CAMTA1: variants seen among roughly 807,000 people sequenced by gnomAD.
CAMTA1 encodes the protein calmodulin-binding transcription activator 1.
A neutral mutation model predicts 170.9 loss-of-function variants in CAMTA1; 27 were observed. The observed-to-expected ratio is 0.16, with a 90% CI of 0.12 to 0.22. The LOEUF is 0.22. CAMTA1 is among the 10% of genes least tolerant of loss of function. CAMTA1 has a pLI of 1.00. For missense variants in CAMTA1, 1,619 were observed against 2,217.2 expected (o/e 0.73, Z 5.42); for synonymous variants, 833 against 891.5 (o/e 0.93, Z 1.17).
At position 7,641,746 on chromosome 1, in the gene CAMTA1, TG is replaced by T. The variant is rs2095762766; in HGVS notation, c.664+1197del. ...GTCGTCCTTTGAGCCAAGTACCCCGTGGGGAGGTTTGGACCAGGCTTGCCTC... is the reference window on the plus strand; with the variant it reads ...GTCGTCCTTTGAGCCAAGTACCCCGTGGGAGGTTTGGACCAGGCTTGCCTC... On this transcript the variant is annotated intron_variant, in intron 7 of 22. Coordinates refer to ENST00000303635, the MANE Select transcript of CAMTA1 (RefSeq NM_015215.4). The surrounding 1 kb of genome is among the most constrained non-coding windows in gnomAD (Gnocchi z 4.5). 1.3e-5 allele frequency among the ~76,000 whole-genome samples: 2 copies of T among 152,072 alleles called. No homozygotes were observed. Among genetic ancestry groups the T allele is most frequent in the South Asian group, 2.1e-4 (1 of 4,828 alleles).
Position 7,736,672 on chromosome 1 carries a change from C to G in CAMTA1, c.3263+132C>G. On this transcript the variant is annotated intron_variant, in intron 13 of 22. Transcript: ENST00000303635. The surrounding 1 kb of genome is among the most constrained non-coding windows in gnomAD (Gnocchi z 4.5). ...ATAGCCGGCGAGCAAAGGGCTTTGT[C>G]CTTGGACAGTTTCCAAGGGAGTTTT... The G allele has an allele frequency of 1.1e-6, 1 of 878,382 alleles. No homozygotes were observed. Among genetic ancestry groups the G allele is most frequent in the Non-Finnish European group, 1.8e-6 (1 of 560,306 alleles). 54.4% of individuals were successfully genotyped at this position (878,382 alleles called of 1,614,324 possible). A position where few individuals can be genotyped will look rare whatever the true frequency, so the allele number is the denominator to read the frequency against.
intron 6 of CAMTA1, among the ~76,000 whole-genome samples, chr1:7,499,347 T>G (rs865988650): frequency 7.8e-4 from 75 of 95,986 alleles, no homozygotes; most frequent in Non-Finnish European, 9.3e-4. Flanking sequence ...TAGAGAGGAT[T>G]GTGTGAGCCT....
At chr1:6,946,798 C>T (rs1028330309) in intron 3 of CAMTA1, among the ~76,000 whole-genome samples, 2 of 150,682 alleles carry the variant, frequency 1.3e-5, no homozygotes, top group Non-Finnish European at 3.0e-5. Flanking sequence ...TCCTTTGAAG[C>T]ACAAAAGTTT....
At chr1:7,162,032 G>A (rs1647298299) in intron 4 of CAMTA1, among the ~76,000 whole-genome samples, 1 of 152,176 alleles carries the variant, frequency 6.6e-6, no homozygotes. Context: ...AACTAGCCCT[G>A]CAAAGATTAG....
intron 3 of CAMTA1, among the ~76,000 whole-genome samples, chr1:6,863,791 C>T (rs1665634352): frequency 6.6e-6 from 1 of 152,170 alleles, no homozygotes; most frequent in Non-Finnish European, 1.5e-5. Flanking sequence ...ACACTGAACT[C>T]TACACTTCAT....
chr1:7,439,067 C>T (rs1243524352), intron 5 of CAMTA1, among the ~76,000 whole-genome samples: 1 of 152,154 alleles, frequency 6.6e-6, no homozygotes, highest in African/African-American at 2.4e-5. Context: ...CTTCTGGCTG[C>T]AGGCAGGTGG....
chr1:7,085,108 C>T (rs1640564139), intron 3 of CAMTA1, among the ~76,000 whole-genome samples: 1 of 152,154 alleles, frequency 6.6e-6, no homozygotes, highest in Non-Finnish European at 1.5e-5. Context: ...AGGATTTAAG[C>T]CCTGCATGCA....
chr1:7,176,114 C>T (rs561658998), intron 4 of CAMTA1, among the ~76,000 whole-genome samples: 2 of 152,280 alleles, frequency 1.3e-5, no homozygotes, highest in South Asian at 2.1e-4. Context: ...TGGGGTATAG[C>T]GGGGATAGAT....
intron 3 of CAMTA1, among the ~76,000 whole-genome samples, chr1:6,844,219 T>C (rs375710738): frequency 2.6e-5 from 4 of 152,222 alleles, no homozygotes; most frequent in African/African-American, 9.6e-5. Flanking sequence ...TCAGGAGATG[T>C]AGTTACCTTT....
rs1655288283 is a variant in CAMTA1, at chr1:7,195,200, A to G, written c.303-54291A>G. 6.6e-6 allele frequency among the ~76,000 whole-genome samples: 1 copy of G among 152,154 alleles called. No homozygotes were observed. Among genetic ancestry groups the G allele is most frequent in the South Asian group, 2.1e-4 (1 of 4,824 alleles). ...AGAAGGGCTGGGCAGCTTGATGGAC[A>G]TTTGTGCCGTCCACCTTGCAGGCAT... On this transcript the variant is annotated intron_variant, in intron 4 of 22. Coordinates refer to ENST00000303635, the MANE Select transcript of CAMTA1 (RefSeq NM_015215.4). This position sits in a 1 kb window ranked among gnomAD's most constrained non-coding sequence, Gnocchi z 4.1.
chr1:7,029,982 C>T (rs748607757), intron 3 of CAMTA1, among the ~76,000 whole-genome samples: 5 of 152,218 alleles, frequency 3.3e-5, no homozygotes, highest in Non-Finnish European at 5.9e-5. Context: ...ATATCTGCTT[C>T]TGCCTTCAGT....
At chr1:6,796,454 T>C (rs1261364390) in intron 1 of CAMTA1, among the ~76,000 whole-genome samples, 1 of 152,216 alleles carries the variant, frequency 6.6e-6, no homozygotes, top group East Asian at 1.9e-4. Flanking sequence ...GCATTTCTTG[T>C]ATAATTTGAC....
chr1:7,547,917 G>A lies in CAMTA1; in HGVS notation c.510+80016G>A, dbSNP rs1427791706. Among the ~76,000 whole-genome samples, 2 of 152,088 alleles carry A rather than the reference G, an allele frequency of 1.3e-5. No homozygotes were observed. Among genetic ancestry groups the A allele is most frequent in the Non-Finnish European group, 2.9e-5 (2 of 68,016 alleles). On this transcript the variant is annotated intron_variant, in intron 6 of 22. Transcript: ENST00000303635. The surrounding 1 kb of genome is among the most constrained non-coding windows in gnomAD (Gnocchi z 5.7). ...TCACCCGTCAATATGCCCTTATGCT[G>A]TTGTAAGGAGGATTCTGAAGCCATC...
chr1:7,690,201 G>A (rs2096295489), intron 11 of CAMTA1, among the ~76,000 whole-genome samples: 1 of 152,220 alleles, frequency 6.6e-6, no homozygotes, highest in African/African-American at 2.4e-5. Flanking sequence ...GCCCTGGGCG[G>A]CTTCTGTGTG....
intron 4 of CAMTA1, among the ~76,000 whole-genome samples, chr1:7,161,355 C>T (rs1647202479): frequency 6.6e-6 from 1 of 152,174 alleles, no homozygotes; most frequent in Non-Finnish European, 1.5e-5. Context: ...ACCCAGGAAG[C>T]CTTCTGTGAT....
In CAMTA1 at chr1:7,677,702, T is replaced by C; in HGVS notation, c.2883T>C (p.Pro961=). ...EYKARALPTL[P]SSQHDWLSLD... is the part of the protein sequence containing the mutation. ...AAGCCCGGGCTCTGCCCACGCTCCC[T>C]TCCTCCCAGCACGACTGGCTGTCGT... The change falls in exon 11 of 23, where the codon CCT becomes CCC. Residue 961 remains proline, a synonymous_variant. Coordinates refer to ENST00000303635, the MANE Select transcript of CAMTA1 (RefSeq NM_015215.4). 1.9e-6 allele frequency: 3 copies of C among 1,614,084 alleles called. No homozygotes were observed. Among genetic ancestry groups the C allele is most frequent in the South Asian group, 2.2e-5 (2 of 91,068 alleles).
intron 3 of CAMTA1, among the ~76,000 whole-genome samples, chr1:6,878,724 A>C (rs1363780424): frequency 6.6e-6 from 1 of 152,250 alleles, no homozygotes; most frequent in Non-Finnish European, 1.5e-5. Context: ...AGGAAGCTGG[A>C]TCAGTAAGGG....
At chr1:7,306,046 C>A (rs1441319263) in intron 5 of CAMTA1, among the ~76,000 whole-genome samples, 2 of 152,016 alleles carry the variant, frequency 1.3e-5, no homozygotes, top group East Asian at 3.9e-4. Context: ...TGTGATTTGC[C>A]AATATTTTTA....
chr1:6,904,154 G>A (rs756009136), intron 3 of CAMTA1, among the ~76,000 whole-genome samples: 8 of 151,894 alleles, frequency 5.3e-5, no homozygotes, highest in Non-Finnish European at 8.8e-5. Flanking sequence ...CACAGAAATC[G>A]TGCATCTGCC....
Sources: allele counts gnomAD v4.1 joint callset (sites outside exome capture counted in the v4.1 genomes callset), GRCh38; gene constraint gnomAD v4.1.1; non-coding constraint Gnocchi (gnomAD v3.1); transcripts MANE v1.5; gene names NCBI Gene and HGNC (gene_info 2026-07-23, HGNC 2026-07-21).